Variants in TEX14 observed in about 807,000 individuals in gnomAD.
TEX14 encodes the protein inactive serine/threonine-protein kinase TEX14.
Under a neutral mutation model 178.6 loss-of-function variants are expected in TEX14, and 168 were observed. The observed-to-expected ratio is 0.94, with a 90% CI of 0.83 to 1.07. TEX14 has a LOEUF of 1.07. TEX14 is among the 50% of genes least tolerant of loss of function. The pLI is 0.00. For synonymous variants in TEX14, 626 were observed against 634.1 expected (o/e 0.99, Z 0.19); for missense variants, 1,730 against 1,753.6 (o/e 0.99, Z 0.24).
intron 18 of TEX14, among the ~76,000 whole-genome samples, 191 bp downstream of exon 18, chr17:58,585,610 G>GT (rs879707841): frequency 0.019 from 1,597 of 83,066 alleles, 137 homozygotes; most frequent in Non-Finnish European, 0.025. Context: ...CCCAGCTAAT[G>GT]TTTTTTTTTT....
At chr17:58,661,188 T>C in intron 1 of TEX14, 1 of 801,934 alleles carries the variant, frequency 1.2e-6, no homozygotes, top group Non-Finnish European at 2.3e-6. Flanking sequence ...GCACCGTGAT[T>C]TTCAGCTGAG....
intron 5 of TEX14, among the ~76,000 whole-genome samples, chr17:58,618,679 C>T (rs926487196): frequency 6.6e-6 from 1 of 152,224 alleles, no homozygotes; most frequent in African/African-American, 2.4e-5. Context: ...ATACTCAGGG[C>T]CAGCCCTACC....
At chr17:58,659,785 C>T (rs1171543676) in intron 1 of TEX14, among the ~76,000 whole-genome samples, 1 of 152,072 alleles carries the variant, frequency 6.6e-6, no homozygotes, top group Non-Finnish European at 1.5e-5. Flanking sequence ...CAACCTCCGC[C>T]TCCCAGGTTC....
In TEX14 at chr17:58,678,853, T is replaced by TAATAATAATAATAAA. The variant is rs986061483; in HGVS notation, c.-2+13085_-2+13086insTTTATTATTATTATT. Among the ~76,000 whole-genome samples, 880 of 146,710 alleles carry TAATAATAATAATAAA rather than the reference T, an allele frequency of 6.0e-3. 7 individuals carry two copies. Among genetic ancestry groups the TAATAATAATAATAAA allele is most frequent in the African/African-American group, 0.02 (797 of 39,414 alleles). Reference sequence around the variant, plus strand: ...ATAATAATAATAATAATAATAATAATAAAAGAGAAGGACACTGGAGCCAGG... The same window carrying TAATAATAATAATAAA: ...ATAATAATAATAATAATAATAATAATAATAATAATAATAAAAAAAGAGAAGGACACTGGAGCCAGG... On this transcript the variant is annotated intron_variant, in intron 1 of 31. Coordinates refer to ENST00000349033, the MANE Select transcript of TEX14 (RefSeq NM_031272.5).
chr17:58,622,153 ACACAT>A (rs1300077975), intron 4 of TEX14, among the ~76,000 whole-genome samples: 1 of 152,140 alleles, frequency 6.6e-6, no homozygotes, highest in East Asian at 1.9e-4. Context: ...CTTCATTAAA[ACACAT>A]CACACCAGCT....
intron 1 of TEX14, among the ~76,000 whole-genome samples, chr17:58,652,366 G>A (rs927700640): frequency 9.2e-5 from 14 of 152,194 alleles, no homozygotes; most frequent in South Asian, 4.1e-4. Flanking sequence ...TCATGGTGGC[G>A]GTTACCCTCA....
In TEX14 at chr17:58,608,125, A is replaced by G. The variant is rs568475276; in HGVS notation, c.1185-2996T>C. ...TGGCGTGACCTTATCTCTATAAAAA[A>G]TACAAAAATTGGCTGGGCGCAGGGG... is the stretch of plus-strand genomic sequence containing the variant. On this transcript the variant is annotated intron_variant, in intron 10 of 31. Coordinates refer to ENST00000349033, the MANE Select transcript of TEX14 (RefSeq NM_031272.5). Among the ~76,000 whole-genome samples, 45 of 152,260 alleles carry G rather than the reference A, an allele frequency of 3.0e-4. 1 individual carries two copies. In the Middle Eastern group the frequency reaches 0.01, roughly 35 times the overall value.
intron 1 of TEX14, chr17:58,660,973 C>G (rs1327389735): frequency 8.7e-6 from 10 of 1,151,766 alleles, no homozygotes; most frequent in Non-Finnish European, 1.2e-5. Flanking sequence ...TGCTCTCAAT[C>G]TCTTCTAAGC....
intron 1 of TEX14, chr17:58,679,692 A>G (rs1422816461): frequency 6.6e-6 from 1 of 152,206 alleles, no homozygotes; most frequent in African/African-American, 2.4e-5. Context: ...GTTAAGTATG[A>G]GTCCCCAGCG....
rs1167642660 is a variant in TEX14 at position 58,615,231 on chromosome 17, CCTG to C, written c.879_881del (p.Ser294del). 1.2e-6 allele frequency: 2 copies of C among 1,601,940 alleles called. No homozygotes were observed. Among genetic ancestry groups the C allele is most frequent in the Admixed American group, 1.7e-5 (1 of 59,906 alleles). ...TAAGGGGCCTTGGGCTTCCTTCTCA[CCTG>C]CTGTGTTCCTGCTCGGCAATTAACA... is the stretch of plus-strand genomic sequence containing the variant. On this transcript the variant is annotated inframe_deletion and splice_region_variant, in exon 8 of 32. Transcript: ENST00000349033.
chr17:58,658,822 A>G (rs1021947811), intron 1 of TEX14, among the ~76,000 whole-genome samples: 12 of 151,646 alleles, frequency 7.9e-5, no homozygotes, highest in African/African-American at 2.9e-4. Context: ...ACTTTTCTTC[A>G]TTGAGATAGG....
At chr17:58,586,462 C>T (rs961425947) in intron 17 of TEX14, among the ~76,000 whole-genome samples, 1 of 152,216 alleles carries the variant, frequency 6.6e-6, no homozygotes, top group African/African-American at 2.4e-5. Context: ...CCAGACTACA[C>T]TGAGCTCATA....
rs913902392 is a variant in TEX14 at position 58,584,608 on chromosome 17, T to C, written c.3071-8A>G. 3.1e-6 allele frequency: 5 copies of C among 1,592,310 alleles called. No homozygotes were observed. Among genetic ancestry groups the C allele is most frequent in the Admixed American group, 3.3e-5 (2 of 59,976 alleles). ...GAGATGGGTGCCTGATACCTAATGA[T>C]TGTAACACAGTCAGGGTCAAAGTCA... On this transcript the variant is annotated splice_region_variant and splice_polypyrimidine_tract_variant and intron_variant, in intron 18 of 31. Coordinates refer to ENST00000349033, the MANE Select transcript of TEX14 (RefSeq NM_031272.5).
In TEX14 at chr17:58,643,874, CAAAAAAAAAAAAA is replaced by C. The variant is rs71143262; in HGVS notation, c.136+7979_136+7991del. On this transcript the variant is annotated intron_variant, in intron 2 of 31. Coordinates refer to ENST00000349033, the MANE Select transcript of TEX14 (RefSeq NM_031272.5). Reference sequence around the variant, plus strand: ...TGGGCAACAGAGCAAGACTCTGTCTCAAAAAAAAAAAAAAAAAAAAAAAAAAAAAAGAAGCCTA... The same window carrying C: ...TGGGCAACAGAGCAAGACTCTGTCTCAAAAAAAAAAAAAAAAAGAAGCCTA... 2.1e-3 allele frequency among the ~76,000 whole-genome samples: 44 copies of C among 20,538 alleles called. No homozygotes were observed. In the South Asian group the frequency reaches 0.08, roughly 37 times the overall value. 13.5% of individuals were successfully genotyped at this position (20,538 alleles called of 152,430 possible).
chr17:58,660,425 A>G, intron 1 of TEX14: 1 of 424,564 alleles, frequency 2.4e-6, no homozygotes, highest in South Asian at 1.0e-4. Flanking sequence ...AAATAATAAT[A>G]ATAATTTAAC....
intron 1 of TEX14, among the ~76,000 whole-genome samples, chr17:58,653,786 C>G (rs2046889689): frequency 6.6e-6 from 1 of 152,168 alleles, no homozygotes; most frequent in South Asian, 2.1e-4. Flanking sequence ...GGCTCAGTGC[C>G]CCCTTTGTGG....
At chr17:58,602,654 G>T (rs1830569624) in intron 11 of TEX14, 64 bp from the exon 12 acceptor site, 2 of 1,334,908 alleles carry the variant, frequency 1.5e-6, no homozygotes, top group Admixed American at 2.2e-5. Context: ...GGGGGGAAAA[G>T]AAATCAGATG....
chr17:58,611,140 C>A, intron 10 of TEX14, 21 bp downstream of exon 10: 2 of 1,598,396 alleles, frequency 1.3e-6, no homozygotes, highest in South Asian at 2.2e-5. Flanking sequence ...AGGAGAAAGT[C>A]CCACTCCATG....
chr17:58,661,629 C>A (rs745406705), intron 1 of TEX14: 1 of 684,676 alleles, frequency 1.5e-6, no homozygotes, highest in Non-Finnish European at 2.7e-6. Flanking sequence ...AATGTTGATT[C>A]CTTTCCTTTC....
Sources: allele counts gnomAD v4.1 joint callset (sites outside exome capture counted in the v4.1 genomes callset), GRCh38; gene constraint gnomAD v4.1.1; transcripts MANE v1.5; gene names NCBI Gene and HGNC (gene_info 2026-07-23, HGNC 2026-07-21).